Variants in BDH1 observed in about 807,000 individuals in gnomAD.
BDH1 encodes the protein D-beta-hydroxybutyrate dehydrogenase, mitochondrial.
In BDH1, 30 loss-of-function variants were observed where a neutral mutation model predicts 33.1. That is an observed-to-expected ratio of 0.91 (90% CI 0.68 to 1.23). BDH1 has a LOEUF of 1.23. Ranked by LOEUF, BDH1 falls within the 50% of genes most tolerant of loss-of-function variation. The pLI is 0.00. For missense variants in BDH1, 443 were observed against 464.4 expected (o/e 0.95, Z 0.42); for synonymous variants, 190 against 183.6 (o/e 1.03, Z -0.28).
At chr3:197,537,207 T>C (rs1443112817) in intron 3 of BDH1, among the ~76,000 whole-genome samples, 4 of 152,206 alleles carry the variant, frequency 2.6e-5, no homozygotes, top group Non-Finnish European at 4.4e-5. Flanking sequence ...CAGGCTGATC[T>C]TGAACTCCTG....
rs1713669259 is a variant in BDH1 at position 197,522,608 on chromosome 3, C to T, written c.409+32G>A. 1.2e-6 allele frequency: 2 copies of T among 1,611,944 alleles called. No individual in the cohort carries two copies. Among genetic ancestry groups the T allele is most frequent in the African/African-American group, 1.3e-5 (1 of 74,932 alleles). On this transcript the variant is annotated intron_variant, in intron 6 of 7. Coordinates refer to ENST00000392379, the MANE Select transcript of BDH1 (RefSeq NM_203314.3). This position sits in a 1 kb window ranked among gnomAD's most constrained non-coding sequence, Gnocchi z 4.8. The stretch of plus-strand genomic sequence containing the variant: ...AAGTGCCCCTTGGAATGGCCCCATA[C>T]ACAACCCCTGCCGTCCGAAGGGGCG...
chr3:197,519,907 TGGCTCCCCG>T (rs942962860), intron 6 of BDH1, among the ~76,000 whole-genome samples: 9 of 152,252 alleles, frequency 5.9e-5, no homozygotes, highest in African/African-American at 2.2e-4. Context: ...CCCCCGTGGC[TGGCTCCCCG>T]GGCTTTGGCA....
upstream of BDH1, among the ~76,000 whole-genome samples, chr3:197,556,813 G>A (rs922620099): frequency 6.6e-6 from 1 of 152,196 alleles, no homozygotes; most frequent in Non-Finnish European, 1.5e-5. Context: ...CTGCGCTATC[G>A]CCCTGCGCCA....
upstream of BDH1, among the ~76,000 whole-genome samples, chr3:197,560,731 C>A (rs1480209823): frequency 6.6e-6 from 1 of 152,212 alleles, no homozygotes; most frequent in Non-Finnish European, 1.5e-5. Flanking sequence ...GGGGCCCCCA[C>A]ATCACTAAGC....
chr3:197,521,452 T>C lies in BDH1; in HGVS notation c.409+1188A>G, dbSNP rs1295031251. Reference sequence around the variant, plus strand: ...GTACTGCCCTCTCCTCCAAACTTTCTGTTGTTTAGCCTCTGGGGAACTGTA... The same window carrying C: ...GTACTGCCCTCTCCTCCAAACTTTCCGTTGTTTAGCCTCTGGGGAACTGTA... On this transcript the variant is annotated intron_variant, in intron 6 of 7. Coordinates refer to ENST00000392379, the MANE Select transcript of BDH1 (RefSeq NM_203314.3). This position sits in a 1 kb window ranked among gnomAD's most constrained non-coding sequence, Gnocchi z 4.9. Among the ~76,000 whole-genome samples the C allele has an allele frequency of 6.6e-6, 1 of 152,144 alleles. No homozygotes were observed. The highest frequency in any genetic ancestry group is 1.5e-5 in the Non-Finnish European group (1 of 68,010).
Position 197,517,298 on chromosome 3 carries a change from C to T in BDH1, c.410-2882G>A, listed in dbSNP as rs1429545454. 3.2e-5 allele frequency among the ~76,000 whole-genome samples: 3 copies of T among 94,806 alleles called. 1 individual carries two copies. The highest frequency in any genetic ancestry group is 2.3e-4 in the Admixed American group (2 of 8,744). The allele number at this position is 94,806 out of a possible 152,430, so 62.2% of individuals were successfully genotyped here. ...TATGGTCTCCATCCCCCCCTCAGGCCGACCCCCGCATCAGTCATTTCCTGC... is the reference window on the plus strand; with the variant it reads ...TATGGTCTCCATCCCCCCCTCAGGCTGACCCCCGCATCAGTCATTTCCTGC... On this transcript the variant is annotated intron_variant, in intron 6 of 7. Transcript: ENST00000392379.
Position 197,521,384 on chromosome 3 carries a change from T to C in BDH1, c.409+1256A>G, listed in dbSNP as rs1178344869. Among the ~76,000 whole-genome samples the C allele has an allele frequency of 6.6e-6, 1 of 152,220 alleles. No homozygotes were observed. The highest frequency in any genetic ancestry group is 1.5e-5 in the Non-Finnish European group (1 of 68,040). On this transcript the variant is annotated intron_variant, in intron 6 of 7. Transcript: ENST00000392379. The surrounding 1 kb of genome is among the most constrained non-coding windows in gnomAD (Gnocchi z 4.9). ...AACTGGAAGGATATTTTAGTCCTTA[T>C]GCTACTGGAACTTTCTGTAGCTTTT...
upstream of BDH1, among the ~76,000 whole-genome samples, chr3:197,556,266 AGTGAGGAAAACTCCG>A (rs1297493703): frequency 1.3e-5 from 2 of 152,242 alleles, no homozygotes; most frequent in Non-Finnish European, 2.9e-5. Flanking sequence ...CGCTCCTTGA[AGTGAGGAAAACTCCG>A]GTGAGGAAGA....
At chr3:197,519,101 T>TC (rs779292236) in intron 6 of BDH1, among the ~76,000 whole-genome samples, 24 of 118,830 alleles carry the variant, frequency 2.0e-4, no homozygotes, top group South Asian at 1.2e-3. Flanking sequence ...CTCAGGTGGA[T>TC]CCCCCCATCA....
rs1021048183 is a variant in BDH1, at chr3:197,520,777, G to A, written c.409+1863C>T. 4.2e-4 allele frequency among the ~76,000 whole-genome samples: 64 copies of A among 152,292 alleles called. No homozygotes were observed. Among genetic ancestry groups the A allele is most frequent in the African/African-American group, 1.5e-3 (63 of 41,562 alleles). On this transcript the variant is annotated intron_variant, in intron 6 of 7. Transcript: ENST00000392379. The surrounding 1 kb of genome is among the most constrained non-coding windows in gnomAD (Gnocchi z 6.0). ...GGAGAATTTACCGCCAGGGAAGGGC[G>A]AAGCAGGCTGCAGGTTCTGAGCCGG...
rs1713807212 is a variant in BDH1, at chr3:197,523,782, A to G, written c.268-1001T>C. On this transcript the variant is annotated intron_variant, in intron 5 of 7. Transcript: ENST00000392379. This position sits in a 1 kb window ranked among gnomAD's most constrained non-coding sequence, Gnocchi z 4.5. ...AGGGACGGGCAGGGGAGACCTTCCA[A>G]AGGCAGTGACAGCTGAGGACATTCA... Among the ~76,000 whole-genome samples, 2 of 152,058 alleles carry G rather than the reference A, an allele frequency of 1.3e-5. No homozygotes were observed. Among genetic ancestry groups the G allele is most frequent in the African/African-American group, 4.8e-5 (2 of 41,394 alleles).
chr3:197,540,611 G>C (rs1433990068), intron 3 of BDH1, among the ~76,000 whole-genome samples: 2 of 152,126 alleles, frequency 1.3e-5, no homozygotes, highest in Non-Finnish European at 2.9e-5. Flanking sequence ...AGAAGTTGCA[G>C]TGAGCCAAGA....
In BDH1 at chr3:197,528,602, C is replaced by T. The variant is rs528775917; in HGVS notation, c.267+3810G>A. The T allele has an allele frequency of 7.2e-5, 11 of 152,336 alleles. No homozygotes were observed. The highest frequency in any genetic ancestry group is 2.2e-4 in the African/African-American group (9 of 41,572). The allele number at this position is 152,336 out of a possible 1,614,324, so 9.4% of individuals were successfully genotyped here. A position where few individuals can be genotyped will look rare whatever the true frequency, so the allele number is the denominator to read the frequency against. On this transcript the variant is annotated intron_variant, in intron 5 of 7. Transcript: ENST00000392379. The surrounding 1 kb of genome is among the most constrained non-coding windows in gnomAD (Gnocchi z 5.1). ...CCAAAGCCTCTGGTGGTGCTAACTG[C>T]TTTCTGACTTGCCTGACTGATCTCA...
At chr3:197,550,204 AGT>A (rs762167659) in intron 2 of BDH1, among the ~76,000 whole-genome samples, 20 of 152,184 alleles carry the variant, frequency 1.3e-4, no homozygotes, top group Non-Finnish European at 2.5e-4. Context: ...TATAGTAGAC[AGT>A]GTTCTCACCA....
intron 6 of BDH1, among the ~76,000 whole-genome samples, chr3:197,519,649 G>GT (rs925113600): frequency 9.9e-5 from 15 of 152,190 alleles, no homozygotes; most frequent in African/African-American, 3.6e-4. Flanking sequence ...GGGCGGCAGA[G>GT]TAAGACTCTG....
intron 1 of BDH1, among the ~76,000 whole-genome samples, chr3:197,555,158 C>T (rs111701529): frequency 5.9e-5 from 9 of 152,270 alleles, no homozygotes; most frequent in Non-Finnish European, 1.2e-4. Context: ...GGCCCTGTGG[C>T]CTGCCTGCTG....
chr3:197,515,415 C>T, intron 6 of BDH1: 1 of 985,798 alleles, frequency 1.0e-6, no homozygotes, highest in Non-Finnish European at 1.2e-6. Context: ...CCCACAGCTC[C>T]CACTGTCTCC....
At position 197,512,306 on chromosome 3, in the gene BDH1, C is replaced by A. The variant is rs114484832; in HGVS notation, c.621G>T (p.Pro207=). The A allele has an allele frequency of 1.9e-6, 3 of 1,611,810 alleles. No homozygotes were observed. The highest frequency in any genetic ancestry group is 1.3e-5 in the African/African-American group (1 of 74,912). Residue 207 remains proline (P), a synonymous_variant, in exon 8 of 8, where the codon CCG becomes CCT. Coordinates refer to ENST00000392379, the MANE Select transcript of BDH1 (RefSeq NM_203314.3). ...LGRMANPARS[P]YCITKFGVEA... is the part of the protein sequence containing the mutation. Reference sequence around the variant, plus strand: ...CTACCCCGAACTTGGTGATGCAGTACGGGGAGCGGGCCGGGTTGGCCATGC... The same window carrying A: ...CTACCCCGAACTTGGTGATGCAGTAAGGGGAGCGGGCCGGGTTGGCCATGC...
chr3:197,514,454 G>C lies in BDH1; in HGVS notation c.410-38C>G, dbSNP rs1346753629. 6.5e-7 allele frequency: 1 copy of C among 1,532,576 alleles called. No individual in the cohort carries two copies. The highest frequency in any genetic ancestry group is 8.8e-7 in the Non-Finnish European group (1 of 1,135,230). The allele number at this position is 1,532,576 out of a possible 1,614,324, so 94.9% of individuals were successfully genotyped here. A position where few individuals can be genotyped will look rare whatever the true frequency, so the allele number is the denominator to read the frequency against. ...GGGATAGATGTGCATTTACCACATG[G>C]GCTTGGCCCAGACATTGCCCATCAG... is the stretch of plus-strand genomic sequence containing the variant. On this transcript the variant is annotated intron_variant, in intron 6 of 7. Transcript: ENST00000392379. The surrounding 1 kb of genome is among the most constrained non-coding windows in gnomAD (Gnocchi z 4.2).
Sources: allele counts gnomAD v4.1 joint callset (sites outside exome capture counted in the v4.1 genomes callset), GRCh38; gene constraint gnomAD v4.1.1; non-coding constraint Gnocchi (gnomAD v3.1); transcripts MANE v1.5; gene names NCBI Gene and HGNC (gene_info 2026-07-23, HGNC 2026-07-21).